The following SAMD12 variants were observed in gnomAD, a reference collection of about 807,000 sequenced individuals.
SAMD12 encodes the protein sterile alpha motif domain containing 12.
SAMD12 carries 9 observed loss-of-function variants against 15.0 expected under a neutral mutation model. The observed-to-expected ratio is 0.60, with a 90% CI of 0.36 to 1.05. The LOEUF is 1.05. Among genes scored for constraint, SAMD12 ranks in the 50% least tolerant of loss-of-function variants. The pLI is 0.01. For synonymous variants in SAMD12, 86 were observed against 90.1 expected (o/e 0.96, Z 0.25); for missense variants, 230 against 234.2 (o/e 0.98, Z 0.12).
At chr8:118,518,100 G>C (rs1371586591) in intron 2 of SAMD12, among the ~76,000 whole-genome samples, 5 of 152,170 alleles carry the variant, frequency 3.3e-5, no homozygotes, top group African/African-American at 1.2e-4. Context: ...TGCCCAGCTT[G>C]TGCCTTGTGT....
intron 4 of SAMD12, among the ~76,000 whole-genome samples, chr8:118,352,588 G>C (rs2450320): frequency 4.6e-5 from 7 of 152,158 alleles, no homozygotes; most frequent in African/African-American, 1.7e-4. Context: ...ATATTTAACA[G>C]AGACCAAATG....
intron 2 of SAMD12, among the ~76,000 whole-genome samples, chr8:118,443,125 T>TA (rs1822806653): frequency 6.6e-6 from 1 of 152,164 alleles, no homozygotes; most frequent in East Asian, 1.9e-4. Flanking sequence ...TTACTAGGCA[T>TA]ATACTAGTAA....
chr8:118,131,860 C>A, the SAMD12 span, among the ~76,000 whole-genome samples: 1 of 152,168 alleles, frequency 6.6e-6, no homozygotes, highest in Admixed American at 6.6e-5. Flanking sequence ...TTATTTATTG[C>A]TATCCTGATG....
chr8:118,346,105 G>A (rs879912441), intron 4 of SAMD12, among the ~76,000 whole-genome samples: 1 of 152,126 alleles, frequency 6.6e-6, no homozygotes, highest in Non-Finnish European at 1.5e-5. Flanking sequence ...CACAGGCTCC[G>A]GCATGAGGCC....
intron 4 of SAMD12, among the ~76,000 whole-genome samples, chr8:118,333,629 A>G (rs140950490): frequency 6.6e-6 from 1 of 152,176 alleles, no homozygotes; most frequent in African/African-American, 2.4e-5. Flanking sequence ...GGAGTATTCA[A>G]TACAGAAGGA....
intron 4 of SAMD12, among the ~76,000 whole-genome samples, chr8:118,364,304 T>C (rs892209080): frequency 6.6e-6 from 1 of 152,166 alleles, no homozygotes; most frequent in East Asian, 1.9e-4. Flanking sequence ...ATTTCAGCAG[T>C]GCTGTCTCCT....
intron 4 of SAMD12, among the ~76,000 whole-genome samples, chr8:118,256,034 A>C (rs1041830036): frequency 5.3e-5 from 8 of 152,228 alleles, no homozygotes; most frequent in African/African-American, 1.7e-4. Flanking sequence ...CTGACTTTTT[A>C]ATCATTGCCA....
At chr8:118,563,689 A>G (rs1286072040) in intron 2 of SAMD12, among the ~76,000 whole-genome samples, 1 of 152,236 alleles carries the variant, frequency 6.6e-6, no homozygotes, top group Admixed American at 6.5e-5. Context: ...TTGCATCTCT[A>G]TAATTCACTT....
the SAMD12 span, among the ~76,000 whole-genome samples, chr8:118,172,571 T>C: frequency 6.6e-6 from 1 of 152,312 alleles, no homozygotes; most frequent in South Asian, 2.1e-4. Context: ...AACTGGAAGG[T>C]ACTATTGGGT....
chr8:118,485,866 T>C (rs1292930642), intron 2 of SAMD12, among the ~76,000 whole-genome samples: 1 of 152,226 alleles, frequency 6.6e-6, no homozygotes, highest in Non-Finnish European at 1.5e-5. Flanking sequence ...ACAACACATA[T>C]CACAGAATCA....
At chr8:118,595,351 T>TA (rs1319896471) in intron 1 of SAMD12, among the ~76,000 whole-genome samples, 12 of 152,140 alleles carry the variant, frequency 7.9e-5, no homozygotes, top group South Asian at 6.2e-4. Flanking sequence ...GCTGATATAT[T>TA]AAAAAACAAA....
intron 2 of SAMD12, among the ~76,000 whole-genome samples, chr8:118,464,774 C>T (rs1388311867): frequency 2.0e-5 from 3 of 151,712 alleles, no homozygotes; most frequent in Non-Finnish European, 2.9e-5. Context: ...CAATGAATTT[C>T]TAAAATTGGG....
intron 3 of SAMD12, among the ~76,000 whole-genome samples, chr8:118,408,993 G>T (rs4534153): frequency 6.6e-6 from 1 of 151,874 alleles, no homozygotes; most frequent in Non-Finnish European, 1.5e-5. Context: ...CCACCTCCCG[G>T]GTTCAAGCAA....
At chr8:118,582,375 A>G (rs1397531242) in intron 1 of SAMD12, among the ~76,000 whole-genome samples, 2 of 152,144 alleles carry the variant, frequency 1.3e-5, no homozygotes, top group East Asian at 1.9e-4. Context: ...CCTTTCATCT[A>G]TCAGCAAATC....
At chr8:118,271,640 T>C (rs1586406544) in intron 4 of SAMD12, among the ~76,000 whole-genome samples, 1 of 152,326 alleles carries the variant, frequency 6.6e-6, no homozygotes, top group East Asian at 1.9e-4. Flanking sequence ...TAGTTACTTC[T>C]AGATACAATG....
At chr8:118,424,717 T>C (rs760603959) in intron 3 of SAMD12, among the ~76,000 whole-genome samples, 12 of 152,140 alleles carry the variant, frequency 7.9e-5, no homozygotes, top group South Asian at 2.1e-4. Flanking sequence ...TGCCACAGGA[T>C]TGTAAATATC....
chr8:118,175,935 G>A, the SAMD12 span, among the ~76,000 whole-genome samples: 110 of 152,300 alleles, frequency 7.2e-4, 1 homozygote, highest in South Asian at 3.5e-3. Context: ...GCAGTTCAGA[G>A]ATTTTTTCAA....
chr8:118,554,133 C>T (rs965845585), intron 2 of SAMD12, among the ~76,000 whole-genome samples: 1 of 152,060 alleles, frequency 6.6e-6, no homozygotes, highest in African/African-American at 2.4e-5. Context: ...GGTGATTCCT[C>T]AGGGATCTAG....
Position 118,447,886 on chromosome 8 carries a change from T to C in SAMD12, c.193-7925A>G, listed in dbSNP as rs191018947. On this transcript the variant is annotated intron_variant, in intron 2 of 3. Coordinates refer to ENST00000314727, the MANE Select transcript of SAMD12 (RefSeq NM_207506.3). ...GGCTACAGGAGCCCGCCACCATGCG[T>C]GGCTAATTTTTTTTTGTATTTTTAG... 2.4e-3 allele frequency among the ~76,000 whole-genome samples: 364 copies of C among 150,540 alleles called. 2 individuals are homozygous for C. Among genetic ancestry groups the C allele is most frequent in the Middle Eastern group, 3.4e-3 (1 of 294 alleles).
Sources: gnomAD v4.1 joint callset for allele counts (sites outside exome capture counted in the v4.1 genomes callset) on GRCh38, gnomAD v4.1.1 for gene constraint, MANE v1.5 for transcripts, NCBI Gene and HGNC (gene_info 2026-07-23, HGNC 2026-07-21) for gene names.